Variants in SPACA9 observed in about 807,000 individuals in gnomAD.
SPACA9 encodes sperm acrosome-associated protein 9.
Under a neutral mutation model 12.5 loss-of-function variants are expected in SPACA9, and 14 were observed. The ratio of observed to expected loss-of-function variants is 1.12; its 90% CI spans 0.74 to 1.75. The LOEUF is 1.75. SPACA9 is among the 40% of genes most tolerant of loss of function. The pLI, the probability that SPACA9 is intolerant of heterozygous loss-of-function variation, is 0.00. For missense variants in SPACA9, 292 were observed against 291.9 expected, an observed-to-expected ratio of 1.00 and a Z score of 0.00; for synonymous variants, 111 against 114.1, an observed-to-expected ratio of 0.97 and a Z score of 0.17.
Position 132,888,702 on chromosome 9 carries a change from T to G in SPACA9, c.*91T>G. ...TTTTTTCACTGGTACCCATGGACCC[T>G]GCCACTTACTAACCCCAAGGGAATC... On this transcript the variant is annotated 3_prime_UTR_variant, in exon 4 of 4. Coordinates refer to ENST00000356311, the MANE Select transcript of SPACA9 (RefSeq NM_001316897.2). This position sits in a 1 kb window ranked among gnomAD's most constrained non-coding sequence, Gnocchi z 5.0. The G allele has an allele frequency of 6.9e-7, 1 of 1,451,924 alleles. No individual in the cohort carries two copies. The highest frequency in any genetic ancestry group is 9.1e-7 in the Non-Finnish European group (1 of 1,101,452). 89.9% of individuals were successfully genotyped at this position (1,451,924 alleles called of 1,614,324 possible). A position where few individuals can be genotyped will look rare whatever the true frequency, so the allele number is the denominator to read the frequency against.
At chr9:132,882,154 T>A (rs1432573907) in intron 1 of SPACA9, among the ~76,000 whole-genome samples, 1 of 152,196 alleles carries the variant, frequency 6.6e-6, no homozygotes, top group Non-Finnish European at 1.5e-5. Context: ...TCCCTGTGTC[T>A]GTTGACAGTC....
rs1294727395 is a variant in SPACA9, at chr9:132,888,499, T to C, written c.557T>C (p.Ile186Thr). 1.9e-6 allele frequency: 3 copies of C among 1,598,782 alleles called. No individual in the cohort carries two copies. The highest frequency in any genetic ancestry group is 2.3e-5 in the East Asian group (1 of 43,570). Residue 186 changes from isoleucine to threonine, a missense_variant, in exon 4 of 4, where the codon ATA becomes ACA. Physicochemically the swap from Ile to Thr is moderately conservative, Grantham distance 89 (BLOSUM62 -1). Coordinates refer to ENST00000356311, the MANE Select transcript of SPACA9 (RefSeq NM_001316897.2). This position sits in a 1 kb window ranked among gnomAD's most constrained non-coding sequence, Gnocchi z 5.0. Reference protein sequence around the residue: ...TRGAARPAQAIGTQPRATKHK... With the variant: ...TRGAARPAQATGTQPRATKHK... ...GGAGCCGCTCGTCCTGCCCAGGCCA[T>C]AGGGACCCAGCCCAGGGCCACTAAA...
At position 132,887,883 on chromosome 9, in the gene SPACA9, A is replaced by AC. The variant is rs1251811786; in HGVS notation, c.347+314dup. Among the ~76,000 whole-genome samples the AC allele has an allele frequency of 6.6e-6, 1 of 152,132 alleles. No homozygotes were observed. The highest frequency in any genetic ancestry group is 1.5e-5 in the Non-Finnish European group (1 of 68,012). ...CTCACTGACATGCAAAGAAGTGGAC[A>AC]CCAGAGCCGCCTCCCAGGGGCAGCA... On this transcript the variant is annotated intron_variant, in intron 3 of 3. Transcript: ENST00000356311. The surrounding 1 kb of genome is among the most constrained non-coding windows in gnomAD (Gnocchi z 5.4).
At position 132,889,134 on chromosome 9, in the gene SPACA9, C is replaced by T. The variant is rs1481736346; in HGVS notation, c.*523C>T. ...AGGCTCCGTGCTGATGAAGAGGAAA[C>T]CCACTTACAGAAGTTGCCCAAACAG... On this transcript the variant is annotated 3_prime_UTR_variant, in exon 4 of 4. Transcript: ENST00000356311. 2 of 990,168 alleles carry T rather than the reference C, an allele frequency of 2.0e-6. No homozygotes were observed. The highest frequency in any genetic ancestry group is 3.5e-5 in the African/African-American group (2 of 57,266). The allele number at this position is 990,168 out of a possible 1,614,324, so 61.3% of individuals were successfully genotyped here. A position where few individuals can be genotyped will look rare whatever the true frequency, so the allele number is the denominator to read the frequency against.
intron 1 of SPACA9, among the ~76,000 whole-genome samples, chr9:132,882,451 C>T (rs1416274440): frequency 6.9e-6 from 1 of 145,314 alleles, no homozygotes; most frequent in Non-Finnish European, 1.5e-5. Context: ...GATGCTCCCC[C>T]TACCCTGCCT....
At position 132,883,985 on chromosome 9, in the gene SPACA9, A is replaced by G; in HGVS notation, c.38A>G (p.Gln13Arg). ...EVKESLRSIE[Q>R]KYKLFQQQQL... ...AAAGAATCCCTTCGCAGCATCGAGC[A>G]GAAGTACAAGCTCTTCCAGCAGCAG... The change falls in exon 2 of 4, where the codon CAG becomes CGG. Residue 13 changes from glutamine (Q) to arginine (R), a missense_variant. By Grantham distance (43) the Gln-to-Arg change is conservative. Transcript: ENST00000356311. 6.2e-7 allele frequency: 1 copy of G among 1,614,244 alleles called. No individual in the cohort carries two copies. Among genetic ancestry groups the G allele is most frequent in the Non-Finnish European group, 8.5e-7 (1 of 1,180,030 alleles).
rs1347029419 is a variant in SPACA9, at chr9:132,889,349, G to A, written c.*738G>A. The A allele has an allele frequency of 6.1e-6, 6 of 985,432 alleles. No individual in the cohort carries two copies. Among genetic ancestry groups the A allele is most frequent in the South Asian group, 9.4e-5 (2 of 21,294 alleles). 61.0% of individuals were successfully genotyped at this position (985,432 alleles called of 1,614,324 possible). ...TGTAGGCAAGGCACACGCTGTTTGC[G>A]AGCCAGGGATGCTCCCCTCCAGGAT... On this transcript the variant is annotated 3_prime_UTR_variant, in exon 4 of 4. Transcript: ENST00000356311.
chr9:132,888,369 C>T lies in SPACA9; in HGVS notation c.427C>T (p.Leu143Phe). ...HYGGVVSLIPLILDLMKEWIA... is the reference protein window; with the variant it reads ...HYGGVVSLIPFILDLMKEWIA... The stretch of plus-strand genomic sequence containing the variant: ...CGGCGGCGTGGTCAGCCTCATCCCC[C>T]TCATCCTAGACTTAATGAAAGAATG... The change falls in exon 4 of 4, where the codon CTC (leucine) becomes TTC (phenylalanine). Residue 143 changes from leucine (L) to phenylalanine (F), a missense_variant. Transcript: ENST00000356311. This position sits in a 1 kb window ranked among gnomAD's most constrained non-coding sequence, Gnocchi z 5.0. 6.2e-7 allele frequency: 1 copy of T among 1,614,136 alleles called. No homozygotes were observed. The highest frequency in any genetic ancestry group is 8.5e-7 in the Non-Finnish European group (1 of 1,180,044).
At chr9:132,878,675 A>C, upstream of SPACA9, 1 of 989,938 alleles carries the variant, frequency 1.0e-6, no homozygotes. The surrounding 1 kb of genome is among the most constrained non-coding windows in gnomAD (Gnocchi z 4.7). Context: ...GCGGGAATAA[A>C]TGTGGGGGAG....
At position 132,883,980 on chromosome 9, in the gene SPACA9, C is replaced by G. The variant is rs563527507; in HGVS notation, c.33C>G (p.Ile11Met). 33 of 1,614,170 alleles carry G rather than the reference C, an allele frequency of 2.0e-5. No homozygotes were observed. The South Asian group carries it at 3.4e-4, about 17-fold the overall frequency. MNEVKESLRS[I>M]EQKYKLFQQQ... is the part of the protein sequence containing the mutation. The stretch of plus-strand genomic sequence containing the variant: ...AGGTGAAAGAATCCCTTCGCAGCAT[C>G]GAGCAGAAGTACAAGCTCTTCCAGC... The change falls in exon 2 of 4, where the codon ATC (isoleucine) becomes ATG (methionine). Residue 11 changes from isoleucine (I) to methionine (M), a missense_variant. Ile to Met is a conservative substitution (Grantham distance 10). Transcript: ENST00000356311.
chr9:132,878,668 G>A, upstream of SPACA9: 1 of 1,001,560 alleles, frequency 1.0e-6, no homozygotes, highest in Non-Finnish European at 1.2e-6. This position sits in a 1 kb window ranked among gnomAD's most constrained non-coding sequence, Gnocchi z 4.7. Flanking sequence ...AACAGACGCG[G>A]GAATAAATGT....
In SPACA9 at chr9:132,889,240, G is replaced by A. The variant is rs191776323; in HGVS notation, c.*629G>A. 31 of 986,088 alleles carry A rather than the reference G, an allele frequency of 3.1e-5. No individual in the cohort carries two copies. Among genetic ancestry groups the A allele is most frequent in the Non-Finnish European group, 3.6e-5 (30 of 830,498 alleles). 61.1% of individuals were successfully genotyped at this position (986,088 alleles called of 1,614,324 possible). ...GAGCCACATCCGGCTCCAGTGCCAC[G>A]CCTGTCCCTGCTGCGGGCTGCAGTT... On this transcript the variant is annotated 3_prime_UTR_variant, in exon 4 of 4. Coordinates refer to ENST00000356311, the MANE Select transcript of SPACA9 (RefSeq NM_001316897.2).
At chr9:132,878,434 C>G (rs1359877763), upstream of SPACA9, 1 of 1,230,928 alleles carries the variant, frequency 8.1e-7, no homozygotes, top group Non-Finnish European at 1.0e-6. This position sits in a 1 kb window ranked among gnomAD's most constrained non-coding sequence, Gnocchi z 4.7. Flanking sequence ...CTCTGCGGCT[C>G]GGGCAAGTTC....
intron 1 of SPACA9, among the ~76,000 whole-genome samples, chr9:132,879,228 AT>A (rs1844304472): frequency 6.6e-6 from 1 of 152,158 alleles, no homozygotes; most frequent in Admixed American, 6.5e-5. Context: ...GCAGCTTGAT[AT>A]TTTATTAGTC....
rs1334132291 is a variant in SPACA9, at chr9:132,887,248, C to T, written c.145-121C>T. On this transcript the variant is annotated intron_variant, in intron 2 of 3. Transcript: ENST00000356311. The surrounding 1 kb of genome is among the most constrained non-coding windows in gnomAD (Gnocchi z 5.4). ...TAAAATGCTTAAGCGTTACTTGCGTCTCCCCCATGAGTCATGTAGGGTGGG... is the reference window on the plus strand; with the variant it reads ...TAAAATGCTTAAGCGTTACTTGCGTTTCCCCCATGAGTCATGTAGGGTGGG... The T allele has an allele frequency of 8.7e-6, 7 of 803,946 alleles. No homozygotes were observed. The highest frequency in any genetic ancestry group is 1.5e-5 in the Non-Finnish European group (7 of 481,912). 49.8% of individuals were successfully genotyped at this position (803,946 alleles called of 1,614,324 possible).
intron 1 of SPACA9, among the ~76,000 whole-genome samples, chr9:132,881,617 A>C (rs1410611184): frequency 6.6e-6 from 1 of 151,140 alleles, no homozygotes; most frequent in Non-Finnish European, 1.5e-5. Flanking sequence ...AATACAAAAA[A>C]TAGCCAGGTG....
upstream of SPACA9, chr9:132,878,367 G>C: frequency 8.0e-7 from 1 of 1,251,254 alleles, no homozygotes; most frequent in Non-Finnish European, 1.0e-6. The surrounding 1 kb of genome is among the most constrained non-coding windows in gnomAD (Gnocchi z 4.7). Flanking sequence ...GCCGGGCCCA[G>C]ATACCCGATC....
chr9:132,887,125 TTCATA>T lies in SPACA9; in HGVS notation c.145-236_145-232del, dbSNP rs985187487. Among the ~76,000 whole-genome samples, 31 of 150,536 alleles carry T rather than the reference TTCATA, an allele frequency of 2.1e-4. No individual in the cohort carries two copies. The highest frequency in any genetic ancestry group is 6.6e-4 in the African/African-American group (27 of 41,186). On this transcript the variant is annotated intron_variant, in intron 2 of 3. Coordinates refer to ENST00000356311, the MANE Select transcript of SPACA9 (RefSeq NM_001316897.2). The surrounding 1 kb of genome is among the most constrained non-coding windows in gnomAD (Gnocchi z 5.4). ...CACTGTGCCCAACCGATCCATTAAT[TTCATA>T]TCATATCTATCCATCCATCCATCCA...
rs1267471419 is a variant in SPACA9 at position 132,888,868 on chromosome 9, C to T, written c.*257C>T. Reference sequence around the variant, plus strand: ...CTGCAACCTCCGCCTCCCAGGTTCACGCCATTCTCCTGCCTCAGCCTCCCA... The same window carrying T: ...CTGCAACCTCCGCCTCCCAGGTTCATGCCATTCTCCTGCCTCAGCCTCCCA... On this transcript the variant is annotated 3_prime_UTR_variant, in exon 4 of 4. Coordinates refer to ENST00000356311, the MANE Select transcript of SPACA9 (RefSeq NM_001316897.2). The surrounding 1 kb of genome is among the most constrained non-coding windows in gnomAD (Gnocchi z 5.0). The T allele has an allele frequency of 8.9e-6, 7 of 785,482 alleles. No individual in the cohort carries two copies. The highest frequency in any genetic ancestry group is 2.6e-5 in the South Asian group (1 of 37,744). 48.7% of individuals were successfully genotyped at this position (785,482 alleles called of 1,614,324 possible). A position where few individuals can be genotyped will look rare whatever the true frequency, so the allele number is the denominator to read the frequency against.
Sources: allele counts gnomAD v4.1 joint callset (sites outside exome capture counted in the v4.1 genomes callset), GRCh38; gene constraint gnomAD v4.1.1; non-coding constraint Gnocchi (gnomAD v3.1); transcripts MANE v1.5; gene names NCBI Gene and HGNC (gene_info 2026-07-23, HGNC 2026-07-21).